The following GRIP1 variants were observed in gnomAD, a reference collection of about 807,000 sequenced individuals.
GRIP1 encodes the protein glutamate receptor-interacting protein 1.
In GRIP1, 45 loss-of-function variants were observed where a neutral mutation model predicts 129.9. The observed-to-expected ratio is 0.35, with a 90% CI of 0.27 to 0.44. GRIP1 has a LOEUF of 0.44. Among genes scored for constraint, GRIP1 ranks in the 20% least tolerant of loss-of-function variants. GRIP1 has a pLI of 1.00. For synonymous variants in GRIP1, 530 were observed against 520.8 expected, an observed-to-expected ratio of 1.02 and a Z score of -0.24; for missense variants, 1,196 against 1,396.8, an observed-to-expected ratio of 0.86 and a Z score of 2.29.
intron 22 of GRIP1, among the ~76,000 whole-genome samples, chr12:66,373,213 C>A (rs565929979): frequency 6.8e-4 from 103 of 152,266 alleles, no homozygotes; most frequent in African/African-American, 2.4e-3. Context: ...CCACAGCCTC[C>A]CAAGTAGCTG....
At chr12:66,377,837 T>C (rs970087501) in intron 20 of GRIP1, among the ~76,000 whole-genome samples, 10 of 152,068 alleles carry the variant, frequency 6.6e-5, no homozygotes, top group African/African-American at 2.4e-4. Context: ...TTTCAGACTA[T>C]TTGTGGCTGC....
At chr12:66,832,567 G>A (rs1279753635) in intron 1 of GRIP1, among the ~76,000 whole-genome samples, 2 of 152,166 alleles carry the variant, frequency 1.3e-5, no homozygotes, top group Non-Finnish European at 2.9e-5. Context: ...GTAAGGAAGT[G>A]ATTTAGTGAT....
At chr12:66,799,748 G>C (rs551725024) in intron 1 of GRIP1, among the ~76,000 whole-genome samples, 4 of 152,128 alleles carry the variant, frequency 2.6e-5, no homozygotes, top group Admixed American at 2.0e-4. Context: ...CTAATTAGAC[G>C]TCAGTTTCCT....
At chr12:66,850,694 A>G (rs1045335203) in intron 1 of GRIP1, among the ~76,000 whole-genome samples, 1 of 152,076 alleles carries the variant, frequency 6.6e-6, no homozygotes, top group South Asian at 2.1e-4. Context: ...AAAGAAATTC[A>G]GAGCACATTT....
At chr12:66,530,484 T>C (rs1200759085) in intron 4 of GRIP1, among the ~76,000 whole-genome samples, 1 of 152,206 alleles carries the variant, frequency 6.6e-6, no homozygotes, top group Non-Finnish European at 1.5e-5. Context: ...TTTAAAATAC[T>C]ACTACTATCT....
At position 66,371,861 on chromosome 12, in the gene GRIP1, C is replaced by T. The variant is rs1217734893; in HGVS notation, c.2845G>A (p.Gly949Arg). The T allele has an allele frequency of 1.2e-6, 2 of 1,613,734 alleles. No homozygotes were observed. Among genetic ancestry groups the T allele is most frequent in the Admixed American group, 3.3e-5 (2 of 60,028 alleles). ...CGCTCCTGGAAGCTGGCCTGTCGCC[C>T]CAGCTGACTGCGAGGTGTTGGAGCC... ...HEAPTPRSQL[G>R]RQASFQERSS... The change falls in exon 23 of 25, where the codon GGG (glycine) becomes AGG (arginine). Residue 949 changes from glycine to arginine, a missense_variant. Coordinates refer to ENST00000359742, the MANE Select transcript of GRIP1 (RefSeq NM_001366722.1).
rs2036530086 is a variant in GRIP1 at position 66,734,310 on chromosome 12, C to T, written c.-420+69743G>A. ...TCCAACTATGCGCTTTTCCTTGCTT[C>T]TGACAAATTGGAAGAGAACCTGTAC... On this transcript the variant is annotated intron_variant, in intron 1 of 4. Transcript: ENST00000538373. 2.0e-5 allele frequency among the ~76,000 whole-genome samples: 3 copies of T among 152,286 alleles called. No homozygotes were observed. The South Asian group carries it at 6.2e-4, about 32-fold the overall frequency.
chr12:66,766,036 G>T (rs1205651958), intron 1 of GRIP1, among the ~76,000 whole-genome samples: 3 of 152,108 alleles, frequency 2.0e-5, no homozygotes, highest in African/African-American at 7.2e-5. Context: ...CCTCCTCCAG[G>T]ACTCACTACA....
chr12:66,434,281 TC>T (rs1360835783), intron 13 of GRIP1, among the ~76,000 whole-genome samples: 1 of 152,140 alleles, frequency 6.6e-6, no homozygotes, highest in African/African-American at 2.4e-5. Context: ...CTGGGCTCCC[TC>T]CTTCGCTCTG....
upstream of GRIP1, among the ~76,000 whole-genome samples, chr12:66,804,486 T>A (rs1167352106): frequency 6.6e-6 from 1 of 151,506 alleles, no homozygotes; most frequent in African/African-American, 2.4e-5. Flanking sequence ...AATAAAAGAC[T>A]AAGAGAAAAA....
chr12:66,834,251 A>G (rs933956348), intron 1 of GRIP1, among the ~76,000 whole-genome samples: 2 of 151,310 alleles, frequency 1.3e-5, no homozygotes, highest in Admixed American at 6.6e-5. Flanking sequence ...GTTAGGTATT[A>G]TAACAAGTGA....
In GRIP1 at chr12:66,392,316, C is replaced by A. The variant is rs1241813338; in HGVS notation, c.2456G>T (p.Gly819Val). Reference sequence around the variant, plus strand: ...ACAAAGTAAAGACATACCTTGAGTTCCATAGCTGGTGTCTATTGCAGACCC... The same window carrying A: ...ACAAAGTAAAGACATACCTTGAGTTACATAGCTGGTGTCTATTGCAGACCC... ...WDGSAIDTSY[G>V]TQGTSFQASG... The change falls in exon 19 of 25, where the codon GGA (glycine) becomes GTA (valine). Residue 819 changes from glycine (G) to valine (V), a missense_variant. This residue lies in a region of GRIP1 where 427 missense variants were observed against 463.3 expected (regional missense o/e 0.92). Transcript: ENST00000359742. 1 of 1,598,258 alleles carries A rather than the reference C, an allele frequency of 6.3e-7. No homozygotes were observed. Among genetic ancestry groups the A allele is most frequent in the Non-Finnish European group, 8.6e-7 (1 of 1,165,580 alleles).
chr12:66,460,924 T>G (rs116927428), intron 9 of GRIP1, among the ~76,000 whole-genome samples: 1 of 152,196 alleles, frequency 6.6e-6, no homozygotes, highest in African/African-American at 2.4e-5. Flanking sequence ...GAAATCCAAG[T>G]CTGATTTTAA....
In GRIP1 at chr12:66,423,675, G is replaced by A. The variant is rs1272251321; in HGVS notation, c.1769-2886C>T. ...AACCTCCAGGGAAGTTGAATAAAAA[G>A]GAGAGACAGGGCTGGTTAAATCTCC... On this transcript the variant is annotated intron_variant, in intron 14 of 24. Coordinates refer to ENST00000359742, the MANE Select transcript of GRIP1 (RefSeq NM_001366722.1). 2.0e-5 allele frequency among the ~76,000 whole-genome samples: 3 copies of A among 152,310 alleles called. No homozygotes were observed. The East Asian group carries it at 5.8e-4, about 29-fold the overall frequency.
intron 7 of GRIP1, among the ~76,000 whole-genome samples, chr12:66,466,099 ACT>A (rs1439595437): frequency 2.0e-5 from 3 of 152,122 alleles, no homozygotes; most frequent in Admixed American, 2.0e-4. Flanking sequence ...GGCTTGGAAC[ACT>A]CTTTGTTCCT....
intron 1 of GRIP1, among the ~76,000 whole-genome samples, chr12:66,917,961 CA>C (rs2041153290): frequency 6.6e-6 from 1 of 151,972 alleles, no homozygotes; most frequent in Non-Finnish European, 1.5e-5. Flanking sequence ...CACACACACA[CA>C]CACACACACA....
At chr12:66,661,689 C>T (rs572910762) in intron 1 of GRIP1, among the ~76,000 whole-genome samples, 17 of 152,098 alleles carry the variant, frequency 1.1e-4, no homozygotes, top group African/African-American at 3.6e-4. Flanking sequence ...CATACATTTT[C>T]GTTTTCTCAA....
chr12:66,779,818 G>A (rs940363918), intron 1 of GRIP1, among the ~76,000 whole-genome samples: 1 of 152,232 alleles, frequency 6.6e-6, no homozygotes, highest in South Asian at 2.1e-4. Context: ...ATGTGGTAGA[G>A]AATGATGGGG....
intron 1 of GRIP1, among the ~76,000 whole-genome samples, chr12:66,790,050 G>T (rs1592848513): frequency 1.3e-5 from 2 of 152,122 alleles, no homozygotes; most frequent in East Asian, 3.9e-4. Flanking sequence ...ACATTTTGAG[G>T]TCACTGAAAA....
Sources: allele counts gnomAD v4.1 joint callset (sites outside exome capture counted in the v4.1 genomes callset), GRCh38; gene constraint gnomAD v4.1.1; regional missense constraint gnomAD v4.1.1; transcripts MANE v1.5; gene names NCBI Gene and HGNC (gene_info 2026-07-23, HGNC 2026-07-21).